Variants in TFRC observed in about 807,000 individuals in gnomAD.
The protein encoded by TFRC is transferrin receptor.
A neutral mutation model predicts 85.8 loss-of-function variants in TFRC; 35 were observed. The ratio of observed to expected loss-of-function variants is 0.41; its 90% CI spans 0.31 to 0.54. The LOEUF (loss-of-function observed/expected upper bound fraction) is 0.54, where lower values mean the gene tolerates loss of function less well. Among genes scored for constraint, TFRC ranks in the 20% least tolerant of loss-of-function variants. The pLI is 0.31. For missense variants in TFRC, 828 were observed against 921.5 expected (o/e 0.90, Z 1.31); for synonymous variants, 362 against 328.6 (o/e 1.10, Z -1.10).
rs1025577905 is a variant in TFRC at position 196,051,557 on chromosome 3, G to A, written c.*385C>T. On this transcript the variant is annotated 3_prime_UTR_variant, in exon 19 of 19. Transcript: ENST00000360110. ...CTATTTAGCATCAAATGAAGTTGGA[G>A]GATCACTCAAAGTAAGCGACCACTT... 4 of 246,220 alleles carry A rather than the reference G, an allele frequency of 1.6e-5. No individual in the cohort carries two copies. Among genetic ancestry groups the A allele is most frequent in the Non-Finnish European group, 2.4e-5 (3 of 126,006 alleles). 15.3% of individuals were successfully genotyped at this position (246,220 alleles called of 1,614,324 possible). A position where few individuals can be genotyped will look rare whatever the true frequency, so the allele number is the denominator to read the frequency against.
chr3:196,061,342 G>T (rs1717263996), intron 13 of TFRC, among the ~76,000 whole-genome samples: 1 of 152,098 alleles, frequency 6.6e-6, no homozygotes, highest in Non-Finnish European at 1.5e-5. Flanking sequence ...CAGACTTATG[G>T]TCCTAAAACT....
chr3:196,053,411 C>A lies in TFRC; in HGVS notation c.2040+7G>T. On this transcript the variant is annotated splice_region_variant and intron_variant, in intron 18 of 18. Coordinates refer to ENST00000360110, the MANE Select transcript of TFRC (RefSeq NM_001128148.3). ...TTTAGTTCCTCCTTTCCCAAAAGTT[C>A]ACTTACTCTCATGACACGATCATTG... The A allele has an allele frequency of 6.2e-7, 1 of 1,614,030 alleles. No homozygotes were observed. The highest frequency in any genetic ancestry group is 1.1e-5 in the South Asian group (1 of 91,022).
At chr3:196,055,689 C>T (rs1000309791) in intron 16 of TFRC, 32 of 293,128 alleles carry the variant, frequency 1.1e-4, no homozygotes, top group African/African-American at 6.5e-4. Context: ...GTCACCCAGG[C>T]TAGAGTGCAG....
intron 18 of TFRC, among the ~76,000 whole-genome samples, chr3:196,053,194 C>G (rs1303736898): frequency 1.3e-5 from 2 of 152,106 alleles, no homozygotes; most frequent in Middle Eastern, 3.2e-3. Flanking sequence ...TTCTTTTCCC[C>G]ATTGGAGCAT....
At chr3:196,069,873 G>T (rs1460506626) in intron 6 of TFRC, among the ~76,000 whole-genome samples, 2 of 152,170 alleles carry the variant, frequency 1.3e-5, no homozygotes, top group Non-Finnish European at 2.9e-5. Flanking sequence ...TGGAGGCCTG[G>T]AACAATCTTA....
chr3:196,070,879 A>T (rs943011180), intron 6 of TFRC, among the ~76,000 whole-genome samples: 7 of 151,964 alleles, frequency 4.6e-5, no homozygotes, highest in African/African-American at 1.2e-4. Flanking sequence ...GTGGTGGTGG[A>T]GAATGCAGTG....
rs751266755 is a variant in TFRC, at chr3:196,073,942, G to A, written c.422C>T (p.Thr141Ile). ...LSEKLDSTDF[T>I]GTIKLLNENS... ...AGCTGGCACTCACTTGATGGTGCCG[G>A]TGAAGTCTGTGCTGTCCAGTTTCTC... is the stretch of plus-strand genomic sequence containing the variant. Residue 141 changes from threonine (T) to isoleucine (I), a missense_variant, in exon 4 of 19, where the codon ACC (threonine) becomes ATC (isoleucine). Thr to Ile is a moderately conservative substitution (Grantham distance 89). Coordinates refer to ENST00000360110, the MANE Select transcript of TFRC (RefSeq NM_001128148.3). 6.8e-6 allele frequency: 11 copies of A among 1,613,234 alleles called. No homozygotes were observed. The highest frequency in any genetic ancestry group is 1.1e-5 in the South Asian group (1 of 90,960).
At chr3:196,069,100 G>T (rs1717979167) in intron 7 of TFRC, among the ~76,000 whole-genome samples, 1 of 152,018 alleles carries the variant, frequency 6.6e-6, no homozygotes, top group Non-Finnish European at 1.5e-5. Context: ...ACAGGTGTGA[G>T]CCCTGCCACT....
intron 17 of TFRC, among the ~76,000 whole-genome samples, chr3:196,054,727 G>A (rs757812959): frequency 7.9e-5 from 12 of 152,200 alleles, no homozygotes; most frequent in Non-Finnish European, 1.8e-4. Context: ...AATCCTGCTA[G>A]CTGTGCTGTC....
chr3:196,071,422 C>T lies in TFRC; in HGVS notation c.661G>A (p.Ala221Thr), dbSNP rs375469295. The change falls in exon 6 of 19, where the codon GCG becomes ACG. Residue 221 changes from alanine (A) to threonine (T), a missense_variant. Ala to Thr is a moderately conservative substitution (Grantham distance 58). Coordinates refer to ENST00000360110, the MANE Select transcript of TFRC (RefSeq NM_001128148.3). ...YLVENPGGYVAYSKAATVTGK... is the reference protein window; with the variant it reads ...YLVENPGGYVTYSKAATVTGK... ...GTAACTGTTGCAGCCTTACTATACG[C>T]CACATAACCCCCAGGATTCTCCACC... The T allele has an allele frequency of 2.5e-6, 4 of 1,613,950 alleles. No homozygotes were observed. The highest frequency in any genetic ancestry group is 3.4e-6 in the Non-Finnish European group (4 of 1,179,954).
In TFRC at chr3:196,060,219, G is replaced by A. The variant is rs764213826; in HGVS notation, c.1497C>T (p.Ser499=). The change falls in exon 14 of 19, where the codon AGC becomes AGT. Residue 499 remains serine, a synonymous_variant. Coordinates refer to ENST00000360110, the MANE Select transcript of TFRC (RefSeq NM_001128148.3). ...TCTCAATAAGCGTATACAACAGTGG[G>A]CTGGCAGAAACCTTGAAGTTGCTGG... The part of the protein sequence containing the change: ...LGTSNFKVSA[S]PLLYTLIEKT... The A allele has an allele frequency of 2.5e-6, 4 of 1,614,010 alleles. No homozygotes were observed. The highest frequency in any genetic ancestry group is 3.4e-6 in the Non-Finnish European group (4 of 1,179,960).
At chr3:196,055,548 G>A (rs948619511) in intron 16 of TFRC, 13 of 553,620 alleles carry the variant, frequency 2.3e-5, no homozygotes, top group East Asian at 6.2e-5. Context: ...CTGTTCTATC[G>A]TATCATATGC....
chr3:196,060,952 C>T (rs1451349971), intron 13 of TFRC, among the ~76,000 whole-genome samples: 4 of 152,066 alleles, frequency 2.6e-5, no homozygotes, highest in African/African-American at 7.2e-5. Flanking sequence ...TCTGGTTCAC[C>T]CAGGTTAGAG....
chr3:196,064,340 A>G lies in TFRC; in HGVS notation c.1287T>C (p.Leu429=), dbSNP rs776704519. 1.2e-5 allele frequency: 20 copies of G among 1,613,418 alleles called. No individual in the cohort carries two copies. The Admixed American group carries it at 2.7e-4, about 22-fold the overall frequency. Residue 429 remains leucine (L), a synonymous_variant, in exon 11 of 19, where the codon CTT becomes CTC. Transcript: ENST00000360110. The part of the protein sequence containing the change: ...SGVGTALLLK[L]AQMFSDMVLK... ...AGACCATATCTGAGAACATCTGGGC[A>G]AGTTTCAATAGGAGAGCTGTGCCTA...
At chr3:196,053,958 C>G (rs992165977) in intron 17 of TFRC, among the ~76,000 whole-genome samples, 2 of 152,128 alleles carry the variant, frequency 1.3e-5, no homozygotes, top group Non-Finnish European at 2.9e-5. Flanking sequence ...CATAAGATGC[C>G]GGGCGTGGTG....
chr3:196,069,126 G>C (rs986596231), intron 7 of TFRC, among the ~76,000 whole-genome samples: 2 of 152,020 alleles, frequency 1.3e-5, no homozygotes, highest in Admixed American at 6.6e-5. Flanking sequence ...TAAAAATGCA[G>C]AAATCACCAC....
intron 6 of TFRC, 91 bp from the exon 7 acceptor site, chr3:196,069,659 G>A: frequency 1.4e-6 from 1 of 733,038 alleles, no homozygotes; most frequent in Non-Finnish European, 2.2e-6. Flanking sequence ...TCAAACCTAA[G>A]ACAGGCAACC....
In TFRC at chr3:196,067,460, C is replaced by T. The variant is rs527516963; in HGVS notation, c.1040+58G>A. 1.2e-4 allele frequency: 187 copies of T among 1,523,436 alleles called. 1 individual carries two copies. The South Asian group carries it at 2.1e-3, about 17-fold the overall frequency. The allele number at this position is 1,523,436 out of a possible 1,614,324, so 94.4% of individuals were successfully genotyped here. A position where few individuals can be genotyped will look rare whatever the true frequency, so the allele number is the denominator to read the frequency against. On this transcript the variant is annotated intron_variant, in intron 9 of 18. Transcript: ENST00000360110. ...TTTAACATTTTAATCAACATATTACCGTTCTTCCCTAATCATAAAACCTCA... is the reference window on the plus strand; with the variant it reads ...TTTAACATTTTAATCAACATATTACTGTTCTTCCCTAATCATAAAACCTCA...
chr3:196,053,527 G>A lies in TFRC; in HGVS notation c.1931C>T (p.Ser644Phe). The change falls in exon 18 of 19, where the codon TCT becomes TTT. Residue 644 changes from serine to phenylalanine, a missense_variant. Ser to Phe is a radical substitution (Grantham distance 155, BLOSUM62 -2). Transcript: ENST00000360110. Reference sequence around the variant, plus strand: ...AGCACGGAAGAAGTCTCCACGAGCAGAATACAGCCACTGTAAACTCAGGCC... The same window carrying A: ...AGCACGGAAGAAGTCTCCACGAGCAAAATACAGCCACTGTAAACTCAGGCC... ...EMGLSLQWLY[S>F]ARGDFFRATS... is the part of the protein sequence containing the mutation. 6.2e-7 allele frequency: 1 copy of A among 1,614,186 alleles called. No homozygotes were observed. Among genetic ancestry groups the A allele is most frequent in the Non-Finnish European group, 8.5e-7 (1 of 1,180,030 alleles).
Sources: gnomAD v4.1 joint callset for allele counts (sites outside exome capture counted in the v4.1 genomes callset) on GRCh38, gnomAD v4.1.1 for gene constraint, MANE v1.5 for transcripts, NCBI Gene and HGNC (gene_info 2026-07-23, HGNC 2026-07-21) for gene names.